PATJ: variants seen among roughly 807,000 people sequenced by gnomAD.
The protein encoded by PATJ is PATJ crumbs cell polarity complex component, also known as inaD-like protein.
PATJ carries 190 observed loss-of-function variants against 224.9 expected under a neutral mutation model. The ratio of observed to expected loss-of-function variants is 0.84; its 90% CI spans 0.75 to 0.95. The LOEUF is 0.95. Ranked by LOEUF, PATJ falls within the 40% of genes least tolerant of loss-of-function variation. The probability of loss-of-function intolerance (pLI) is 0.00; values close to 1 mark genes in which losing one functional copy is unlikely to be tolerated. For missense variants in PATJ, 2,121 were observed against 2,270.3 expected, an observed-to-expected ratio of 0.93 and a Z score of 1.34; for synonymous variants, 769 against 820.3, an observed-to-expected ratio of 0.94 and a Z score of 1.07.
intron 33 of PATJ, among the ~76,000 whole-genome samples, chr1:62,085,360 AAAAC>A (rs1201983486): frequency 2.0e-5 from 3 of 152,052 alleles, no homozygotes; most frequent in Non-Finnish European, 4.4e-5. Flanking sequence ...TCTTAAAAAA[AAAAC>A]AAACAAAAAA....
intron 31 of PATJ, among the ~76,000 whole-genome samples, chr1:62,055,058 A>T (rs963503046): frequency 6.6e-6 from 1 of 152,220 alleles, no homozygotes; most frequent in Non-Finnish European, 1.5e-5. Context: ...TGTCTCAAAA[A>T]AAAGAAAAAA....
At chr1:62,130,713 T>C (rs1013102454) in intron 41 of PATJ, among the ~76,000 whole-genome samples, 6 of 151,776 alleles carry the variant, frequency 4.0e-5, no homozygotes, top group Non-Finnish European at 7.4e-5. Flanking sequence ...TAGCCGGGCA[T>C]GGTGGCGGGC....
At chr1:61,950,260 G>T (rs1163692440) in intron 27 of PATJ, among the ~76,000 whole-genome samples, 1 of 152,100 alleles carries the variant, frequency 6.6e-6, no homozygotes, top group African/African-American at 2.4e-5. Flanking sequence ...GTATTTTTTT[G>T]ACAGTGATGG....
At chr1:62,069,090 C>T (rs543322301) in intron 31 of PATJ, among the ~76,000 whole-genome samples, 1 of 152,216 alleles carries the variant, frequency 6.6e-6, no homozygotes, top group South Asian at 2.1e-4. Context: ...TTTTTCCCAA[C>T]CCAAGTTTAA....
chr1:62,017,729 C>CAAAAA (rs58692636), intron 28 of PATJ, 127 bp from the exon 29 acceptor site: 154 of 323,710 alleles, frequency 4.8e-4, no homozygotes, highest in East Asian at 1.2e-3. Flanking sequence ...GAGACTGTCT[C>CAAAAA]AAAAAAAAAA....
chr1:62,080,587 C>T (rs1659128818), intron 32 of PATJ, among the ~76,000 whole-genome samples: 1 of 152,120 alleles, frequency 6.6e-6, no homozygotes, highest in East Asian at 1.9e-4. Context: ...CTGCCTCGGC[C>T]TCCAAAAGTG....
In PATJ at chr1:61,875,169, TG is replaced by T. The variant is rs1667184938; in HGVS notation, c.2836-72del. The T allele has an allele frequency of 3.2e-5, 30 of 923,584 alleles. No individual in the cohort carries two copies. The South Asian group carries it at 4.8e-4, about 15-fold the overall frequency. The allele number at this position is 923,584 out of a possible 1,614,324, so 57.2% of individuals were successfully genotyped here. ...CCAGTTTTCCACTATCATTATTACT[TG>T]GCTTGATCAACTGTACAGTAATACA... is the stretch of plus-strand genomic sequence containing the variant. On this transcript the variant is annotated intron_variant, in intron 20 of 43. Coordinates refer to ENST00000642238, the MANE Select transcript of PATJ (RefSeq NM_001350145.3).
At chr1:61,971,869 G>A (rs542823035) in intron 27 of PATJ, among the ~76,000 whole-genome samples, 3 of 151,340 alleles carry the variant, frequency 2.0e-5, no homozygotes, top group Non-Finnish European at 4.4e-5. Flanking sequence ...GGTACCTGTA[G>A]TCCCATCTAT....
intron 1 of PATJ, among the ~76,000 whole-genome samples, chr1:61,743,027 C>T (rs2148110213): frequency 6.6e-6 from 1 of 152,250 alleles, no homozygotes; most frequent in South Asian, 2.1e-4. Context: ...TCTTTCCCTC[C>T]ATCGGTGGCC....
intron 27 of PATJ, among the ~76,000 whole-genome samples, chr1:61,938,699 A>G (rs1677271192): frequency 6.6e-6 from 1 of 152,150 alleles, no homozygotes; most frequent in African/African-American, 2.4e-5. Context: ...AAAATAAATA[A>G]ATAAATAATT....
chr1:61,844,233 G>A (rs900566919), intron 17 of PATJ, among the ~76,000 whole-genome samples: 24 of 152,248 alleles, frequency 1.6e-4, no homozygotes, highest in Non-Finnish European at 1.2e-4. Context: ...TGTGTGGACA[G>A]TAAGGGATTG....
chr1:62,013,306 G>A lies in PATJ; in HGVS notation c.3868-4550G>A, dbSNP rs144515800. 7.5e-5 allele frequency: 74 copies of A among 980,326 alleles called. No individual in the cohort carries two copies. In the African/African-American group the frequency reaches 8.0e-4, roughly 11 times the overall value. The allele number at this position is 980,326 out of a possible 1,614,324, so 60.7% of individuals were successfully genotyped here. On this transcript the variant is annotated intron_variant, in intron 28 of 43. Transcript: ENST00000642238. ...AGTTAGATTTCCTACATGCTCAAGC[G>A]TTTTGCTGATCAAAACCATTTTTTT... is the stretch of plus-strand genomic sequence containing the variant.
intron 7 of PATJ, among the ~76,000 whole-genome samples, chr1:61,776,990 G>T (rs1646951936): frequency 6.6e-6 from 1 of 152,158 alleles, no homozygotes; most frequent in Admixed American, 6.5e-5. Context: ...CTCCCAAAGT[G>T]CTGGGATTAC....
chr1:62,002,116 A>T (rs1645808969), intron 28 of PATJ, among the ~76,000 whole-genome samples: 1 of 152,130 alleles, frequency 6.6e-6, no homozygotes, highest in Non-Finnish European at 1.5e-5. Flanking sequence ...ACCAAGTTCC[A>T]TCTTCTTGTT....
chr1:61,901,382 A>G lies in PATJ; in HGVS notation c.3304A>G (p.Ile1102Val). The G allele has an allele frequency of 6.3e-7, 1 of 1,587,926 alleles. No individual in the cohort carries two copies. Among genetic ancestry groups the G allele is most frequent in the South Asian group, 1.2e-5 (1 of 86,150 alleles). ...RLKNGEELKG[I>V]FIKQVLEDSP... ...AAAGAATGGAGAGGAGCTTAAAGGT[A>G]TATTCATCAAACAAGTTTTAGAAGA... The change falls in exon 24 of 44, where the codon ATA becomes GTA. Residue 1102 changes from isoleucine to valine, a missense_variant. Coordinates refer to ENST00000642238, the MANE Select transcript of PATJ (RefSeq NM_001350145.3).
At chr1:61,977,755 G>A (rs1341420847) in intron 27 of PATJ, among the ~76,000 whole-genome samples, 1 of 151,558 alleles carries the variant, frequency 6.6e-6, no homozygotes. Flanking sequence ...GTGAACACCT[G>A]TAGTCCCACA....
At chr1:62,020,282 A>G (rs1299475361) in intron 29 of PATJ, among the ~76,000 whole-genome samples, 3 of 152,192 alleles carry the variant, frequency 2.0e-5, no homozygotes, top group Non-Finnish European at 4.4e-5. Flanking sequence ...TGTACTATGT[A>G]CATATGCAAT....
chr1:62,056,294 A>C (rs1193708347), intron 31 of PATJ, among the ~76,000 whole-genome samples: 1 of 152,208 alleles, frequency 6.6e-6, no homozygotes, highest in Non-Finnish European at 1.5e-5. Context: ...ACACATGCTA[A>C]CTTATTCACA....
intron 27 of PATJ, among the ~76,000 whole-genome samples, chr1:61,968,642 G>A (rs1193585298): frequency 6.6e-6 from 1 of 151,942 alleles, no homozygotes; most frequent in East Asian, 1.9e-4. Context: ...CGTGTGCCAT[G>A]TTGGTGTGCT....
Sources: gnomAD v4.1 joint callset for allele counts (sites outside exome capture counted in the v4.1 genomes callset) on GRCh38, gnomAD v4.1.1 for gene constraint, MANE v1.5 for transcripts, NCBI Gene and HGNC (gene_info 2026-07-23, HGNC 2026-07-21) for gene names.